The following AGBL4 variants were observed in gnomAD, a reference collection of about 807,000 sequenced individuals.
AGBL4 encodes AGBL carboxypeptidase 4.
AGBL4 carries 58 observed loss-of-function variants against 66.4 expected under a neutral mutation model. The observed-to-expected ratio is 0.87, with a 90% CI of 0.71 to 1.09. The LOEUF (loss-of-function observed/expected upper bound fraction) is 1.09. Ranked by LOEUF, AGBL4 falls within the 50% of genes least tolerant of loss-of-function variation. The pLI, the probability that AGBL4 is intolerant of heterozygous loss-of-function variation, is 0.00. For missense variants in AGBL4, 579 were observed against 631.0 expected (o/e 0.92, Z 0.88); for synonymous variants, 234 against 222.9 (o/e 1.05, Z -0.44).
At chr1:49,878,415 GT>G (rs1647096000) in intron 1 of AGBL4, among the ~76,000 whole-genome samples, 1 of 151,106 alleles carries the variant, frequency 6.6e-6, no homozygotes, top group Non-Finnish European at 1.5e-5. Flanking sequence ...ATTTCGTTAT[GT>G]ACCCAGTAGT....
At chr1:48,538,861 G>A (rs933974523) in intron 12 of AGBL4, among the ~76,000 whole-genome samples, 1 of 152,206 alleles carries the variant, frequency 6.6e-6, no homozygotes, top group Non-Finnish European at 1.5e-5. Context: ...GGAGCCGGGA[G>A]TTGGGCATTG....
At chr1:48,748,741 C>T (rs1442593424) in intron 6 of AGBL4, among the ~76,000 whole-genome samples, 2 of 152,022 alleles carry the variant, frequency 1.3e-5, no homozygotes, top group African/African-American at 4.8e-5. Context: ...GTTAAGGGAT[C>T]CTAGAAGGCT....
chr1:48,850,199 T>C (rs1647003033), intron 6 of AGBL4, among the ~76,000 whole-genome samples: 1 of 152,166 alleles, frequency 6.6e-6, no homozygotes, highest in Non-Finnish European at 1.5e-5. Flanking sequence ...ATCAATGGAT[T>C]CCTAAACTCA....
intron 3 of AGBL4, among the ~76,000 whole-genome samples, chr1:49,569,431 AT>A (rs1222931210): frequency 2.6e-5 from 4 of 152,182 alleles, no homozygotes; most frequent in Non-Finnish European, 4.4e-5. Flanking sequence ...ATTCTCTATG[AT>A]GTGATTACTT....
intron 3 of AGBL4, among the ~76,000 whole-genome samples, chr1:49,479,341 C>A (rs1259020792): frequency 6.6e-6 from 1 of 151,226 alleles, no homozygotes; most frequent in African/African-American, 2.4e-5. Flanking sequence ...GCAGTATGTG[C>A]GGGTATGTTA....
intron 6 of AGBL4, among the ~76,000 whole-genome samples, chr1:48,789,949 C>T (rs757772406): frequency 3.3e-5 from 5 of 152,178 alleles, no homozygotes; most frequent in African/African-American, 4.8e-5. Flanking sequence ...GCATAAACAA[C>T]GAGGTATATT....
At chr1:50,014,782 C>T (rs1023917530) in intron 1 of AGBL4, among the ~76,000 whole-genome samples, 1 of 152,058 alleles carries the variant, frequency 6.6e-6, no homozygotes, top group Non-Finnish European at 1.5e-5. Context: ...GCCTTGGCCT[C>T]CCAAAGTGCT....
chr1:49,562,819 A>T (rs1225596644), intron 3 of AGBL4, among the ~76,000 whole-genome samples: 1 of 152,096 alleles, frequency 6.6e-6, no homozygotes, highest in African/African-American at 2.4e-5. Context: ...TATGGACTTT[A>T]AAGTAGTTAT....
chr1:48,870,991 C>CTGAAA (rs1648598815), intron 5 of AGBL4, among the ~76,000 whole-genome samples: 2 of 152,074 alleles, frequency 1.3e-5, no homozygotes, highest in South Asian at 4.1e-4. Context: ...AATAAAAGGA[C>CTGAAA]TGAAATGAAG....
chr1:48,929,359 C>T (rs1334942227), intron 5 of AGBL4, among the ~76,000 whole-genome samples: 1 of 152,132 alleles, frequency 6.6e-6, no homozygotes, highest in Non-Finnish European at 1.5e-5. Context: ...AAAAAACATG[C>T]CACTTTGGCC....
intron 2 of AGBL4, among the ~76,000 whole-genome samples, chr1:49,798,628 TA>T (rs1644786545): frequency 6.6e-6 from 1 of 152,206 alleles, no homozygotes; most frequent in East Asian, 1.9e-4. Flanking sequence ...CTGACATATT[TA>T]ATGTTTAAGT....
intron 9 of AGBL4, among the ~76,000 whole-genome samples, chr1:48,630,599 C>T (rs975695066): frequency 3.3e-5 from 5 of 152,210 alleles, no homozygotes; most frequent in African/African-American, 1.2e-4. Context: ...TTCAACTCCA[C>T]AGCAGCAAAC....
chr1:49,133,003 C>A (rs1056820554), intron 4 of AGBL4, among the ~76,000 whole-genome samples: 1 of 151,990 alleles, frequency 6.6e-6, no homozygotes, highest in Non-Finnish European at 1.5e-5. Flanking sequence ...TGCCCATCAA[C>A]GATAGACTGG....
chr1:49,877,088 A>G (rs910314427), intron 1 of AGBL4, among the ~76,000 whole-genome samples: 3 of 151,724 alleles, frequency 2.0e-5, no homozygotes, highest in African/African-American at 2.4e-5. Flanking sequence ...TAGATAAACA[A>G]TCATGTCGTC....
At chr1:49,945,992 T>C (rs1254140943) in intron 1 of AGBL4, among the ~76,000 whole-genome samples, 1 of 151,996 alleles carries the variant, frequency 6.6e-6, no homozygotes, top group Non-Finnish European at 1.5e-5. Context: ...AAAGGCCTTG[T>C]CCAACAGGAA....
Position 48,955,011 on chromosome 1 carries a change from C to T in AGBL4, c.595-87781G>A, listed in dbSNP as rs184559156. ...GCTTAGCGTGATTAAGTGGTGTGCA[C>T]AGGGGCGTAAAGCTATTAAGAGGGA... On this transcript the variant is annotated intron_variant, in intron 5 of 13. Transcript: ENST00000371839. Among the ~76,000 whole-genome samples the T allele has an allele frequency of 2.9e-3, 439 of 152,228 alleles. 2 individuals carry two copies. The highest frequency in any genetic ancestry group is 0.01 in the African/African-American group (421 of 41,520).
chr1:48,634,779 C>A (rs962529735), intron 8 of AGBL4, among the ~76,000 whole-genome samples, 175 bp from the exon 9 acceptor site: 1 of 152,154 alleles, frequency 6.6e-6, no homozygotes, highest in Non-Finnish European at 1.5e-5. Flanking sequence ...CATCAACAAC[C>A]CTGTGAGGTC....
chr1:49,139,097 G>T (rs1263858415), intron 4 of AGBL4, among the ~76,000 whole-genome samples: 3 of 152,064 alleles, frequency 2.0e-5, no homozygotes, highest in African/African-American at 7.2e-5. Flanking sequence ...CCCAAGAACA[G>T]CAAGGGGCAA....
chr1:48,855,978 A>G (rs1167912362), intron 6 of AGBL4, among the ~76,000 whole-genome samples: 1 of 152,184 alleles, frequency 6.6e-6, no homozygotes, highest in East Asian at 1.9e-4. Flanking sequence ...TTGACATGGG[A>G]AAATATTTCT....
Sources: gnomAD v4.1 joint callset for allele counts (sites outside exome capture counted in the v4.1 genomes callset) on GRCh38, gnomAD v4.1.1 for gene constraint, MANE v1.5 for transcripts, NCBI Gene and HGNC (gene_info 2026-07-23, HGNC 2026-07-21) for gene names.